PPP3CA: variants seen among roughly 807,000 people sequenced by gnomAD.
PPP3CA encodes the protein protein phosphatase 3 catalytic subunit alpha, also known as CAM-PRP catalytic subunit.
Under a neutral mutation model 66.5 loss-of-function variants are expected in PPP3CA, and 14 were observed. The observed-to-expected ratio is 0.21, with a 90% CI of 0.14 to 0.33. PPP3CA has a LOEUF of 0.33. Among genes scored for constraint, PPP3CA ranks in the 10% least tolerant of loss-of-function variants. PPP3CA has a pLI of 1.00. For missense variants in PPP3CA, 317 were observed against 639.5 expected, an observed-to-expected ratio of 0.50 and a Z score of 5.44; for synonymous variants, 232 against 226.2, an observed-to-expected ratio of 1.03 and a Z score of -0.23.
At chr4:101,262,138 T>G (rs958091976) in intron 1 of PPP3CA, among the ~76,000 whole-genome samples, 1 of 152,090 alleles carries the variant, frequency 6.6e-6, no homozygotes, top group African/African-American at 2.4e-5. Flanking sequence ...ATTTTTTTCT[T>G]TAGCAAAAAA....
intron 10 of PPP3CA, among the ~76,000 whole-genome samples, chr4:101,057,184 A>T (rs1728263534): frequency 6.6e-6 from 1 of 151,654 alleles, no homozygotes; most frequent in Non-Finnish European, 1.5e-5. Flanking sequence ...CCTTCCAAGT[A>T]GCTAGGAATA....
chr4:101,269,142 C>T (rs1000053809), intron 1 of PPP3CA, among the ~76,000 whole-genome samples: 2 of 152,036 alleles, frequency 1.3e-5, no homozygotes, highest in Non-Finnish European at 2.9e-5. Context: ...ACACAGATGC[C>T]CTCCTCATCG....
intron 1 of PPP3CA, among the ~76,000 whole-genome samples, chr4:101,274,009 A>G (rs1388551854): frequency 1.3e-5 from 2 of 152,184 alleles, no homozygotes; most frequent in Non-Finnish European, 2.9e-5. Context: ...AGTAGCATAC[A>G]GTAGATTAAA....
intron 6 of PPP3CA, among the ~76,000 whole-genome samples, chr4:101,084,756 C>T (rs1729588286): frequency 6.6e-6 from 1 of 152,098 alleles, no homozygotes; most frequent in Non-Finnish European, 1.5e-5. Flanking sequence ...TTCATGTGCC[C>T]ATGTGTAGTG....
chr4:101,038,717 T>C (rs1727372349), intron 11 of PPP3CA, among the ~76,000 whole-genome samples: 1 of 152,200 alleles, frequency 6.6e-6, no homozygotes, highest in South Asian at 2.1e-4. Context: ...GCATTCCAAT[T>C]TGGTATCTAG....
At chr4:101,146,560 A>C (rs1263538127) in intron 2 of PPP3CA, among the ~76,000 whole-genome samples, 3 of 151,902 alleles carry the variant, frequency 2.0e-5, no homozygotes, top group Non-Finnish European at 1.5e-5. Flanking sequence ...CTTCTGCCTC[A>C]GCCTCCCAAG....
At chr4:101,045,164 C>G (rs1257630536) in intron 10 of PPP3CA, among the ~76,000 whole-genome samples, 1 of 152,218 alleles carries the variant, frequency 6.6e-6, no homozygotes, top group East Asian at 1.9e-4. Context: ...TCTTGTGACT[C>G]CTTTACTATA....
At chr4:101,229,898 G>C (rs1194372912) in intron 1 of PPP3CA, among the ~76,000 whole-genome samples, 1 of 151,506 alleles carries the variant, frequency 6.6e-6, no homozygotes, top group Non-Finnish European at 1.5e-5. Context: ...AAAAAATTGG[G>C]AAAGGATAGA....
intron 8 of PPP3CA, among the ~76,000 whole-genome samples, chr4:101,077,770 A>G (rs991847606): frequency 6.6e-6 from 1 of 151,970 alleles, no homozygotes; most frequent in Non-Finnish European, 1.5e-5. Context: ...CCCCAAAGGC[A>G]AGAACACAGT....
intron 1 of PPP3CA, among the ~76,000 whole-genome samples, chr4:101,259,352 C>CAAGCA (rs5860665): frequency 1.5e-4 from 23 of 151,028 alleles, no homozygotes; most frequent in Non-Finnish European, 2.8e-4. Flanking sequence ...TTCATTCATT[C>CAAGCA]AGCAAGCAAG....
rs186618928 is a variant in PPP3CA, at chr4:101,112,971, T to A, written c.260-3893A>T. Among the ~76,000 whole-genome samples, 3 of 152,226 alleles carry A rather than the reference T, an allele frequency of 2.0e-5. No individual in the cohort carries two copies. The East Asian group carries it at 5.8e-4, about 29-fold the overall frequency. On this transcript the variant is annotated intron_variant, in intron 2 of 13. Transcript: ENST00000394854. ...TTATTCTATTGGGCCTACGCTATGC[T>A]TAATTTGAAAATCCTCAACTAAGAG...
chr4:101,070,174 C>T lies in PPP3CA; in HGVS notation c.956-6817G>A, dbSNP rs200843264. The stretch of plus-strand genomic sequence containing the variant: ...TAGAAGGAATGAGGGAGGCACAGAT[C>T]CCTTTTTTTTATAGTGTTATGTACT... On this transcript the variant is annotated intron_variant, in intron 8 of 13. Transcript: ENST00000394854. Among the ~76,000 whole-genome samples, 5 of 151,892 alleles carry T rather than the reference C, an allele frequency of 3.3e-5. No individual in the cohort carries two copies. The East Asian group carries it at 9.6e-4, about 29-fold the overall frequency.
intron 8 of PPP3CA, among the ~76,000 whole-genome samples, chr4:101,074,039 T>A (rs1206405429): frequency 1.3e-5 from 2 of 152,204 alleles, no homozygotes; most frequent in African/African-American, 4.8e-5. Flanking sequence ...ATTAATTTTA[T>A]CCAACTTTTA....
intron 1 of PPP3CA, among the ~76,000 whole-genome samples, chr4:101,340,055 C>T (rs1158839267): frequency 6.6e-6 from 1 of 152,152 alleles, no homozygotes; most frequent in Admixed American, 6.5e-5. Context: ...TCTCTTTGAA[C>T]ATCAACCATC....
intron 3 of PPP3CA, among the ~76,000 whole-genome samples, chr4:101,106,883 C>T (rs1178893435): frequency 6.6e-6 from 1 of 152,172 alleles, no homozygotes; most frequent in Admixed American, 6.6e-5. Flanking sequence ...CCACGCTGTG[C>T]CACATCAGTC....
At chr4:101,103,323 G>A (rs943532016) in intron 3 of PPP3CA, among the ~76,000 whole-genome samples, 6 of 152,086 alleles carry the variant, frequency 3.9e-5, no homozygotes, top group African/African-American at 1.2e-4. Flanking sequence ...GCTGCCTCTC[G>A]ATCATCAAAC....
intron 2 of PPP3CA, among the ~76,000 whole-genome samples, chr4:101,161,928 G>A (rs1723523909): frequency 6.6e-6 from 1 of 152,094 alleles, no homozygotes; most frequent in Non-Finnish European, 1.5e-5. Flanking sequence ...TACCTTGATA[G>A]TCCACATCGA....
At chr4:101,319,868 G>T (rs938699423) in intron 1 of PPP3CA, among the ~76,000 whole-genome samples, 11 of 152,288 alleles carry the variant, frequency 7.2e-5, no homozygotes, top group African/African-American at 2.6e-4. Flanking sequence ...AATTGGCTTT[G>T]TGGTATCATA....
intron 1 of PPP3CA, among the ~76,000 whole-genome samples, chr4:101,286,208 T>C (rs1302975794): frequency 6.6e-6 from 1 of 152,206 alleles, no homozygotes; most frequent in Non-Finnish European, 1.5e-5. Flanking sequence ...GCTCAGGTAG[T>C]AATGCTTGCT....
Sources: gnomAD v4.1 joint callset for allele counts (sites outside exome capture counted in the v4.1 genomes callset) on GRCh38, gnomAD v4.1.1 for gene constraint, MANE v1.5 for transcripts, NCBI Gene and HGNC (gene_info 2026-07-23, HGNC 2026-07-21) for gene names.